USP32: variants seen among roughly 807,000 people sequenced by gnomAD.
The protein encoded by USP32 is ubiquitin carboxyl-terminal hydrolase 32.
A neutral mutation model predicts 204.8 loss-of-function variants in USP32; 59 were observed. The observed-to-expected ratio is 0.29, with a 90% CI of 0.23 to 0.36. The LOEUF is 0.36. USP32 is among the 10% of genes least tolerant of loss of function. USP32 has a pLI of 1.00. For missense variants in USP32, 1,160 were observed against 1,946.4 expected (o/e 0.60, Z 7.60); for synonymous variants, 517 against 678.4 (o/e 0.76, Z 3.70).
rs1264785254 is a variant in USP32, at chr17:60,195,015, A to G, written c.3435-2085T>C. On this transcript the variant is annotated intron_variant, in intron 27 of 33. Transcript: ENST00000300896. ...GAACTATACAATGAACATCCCATGT[A>G]TTCATTACCCAACTATAAAAGTCAT... Among the ~76,000 whole-genome samples the G allele has an allele frequency of 2.0e-5, 3 of 152,344 alleles. 1 individual carries two copies. In the East Asian group the frequency reaches 5.8e-4, roughly 29 times the overall value.
At chr17:60,314,558 G>A (rs560888967) in intron 2 of USP32, among the ~76,000 whole-genome samples, 2 of 151,818 alleles carry the variant, frequency 1.3e-5, no homozygotes, top group East Asian at 3.9e-4. Context: ...GCTAGAACTG[G>A]GGGTGGGGGG....
intron 2 of USP32, among the ~76,000 whole-genome samples, chr17:60,329,179 G>C (rs942990792): frequency 2.0e-5 from 3 of 151,652 alleles, no homozygotes; most frequent in Non-Finnish European, 4.4e-5. Flanking sequence ...TTCGTAAAAA[G>C]AAAGTGTTAA....
intron 29 of USP32, among the ~76,000 whole-genome samples, chr17:60,187,618 T>C (rs1177531278): frequency 2.0e-5 from 3 of 152,256 alleles, no homozygotes; most frequent in Admixed American, 2.0e-4. Context: ...AGTAAGCTAG[T>C]AAAGAATGTT....
chr17:60,226,345 C>CCACAGG, intron 12 of USP32, 114 bp from the exon 13 acceptor site: 4 of 969,418 alleles, frequency 4.1e-6, no homozygotes, highest in Non-Finnish European at 5.7e-6. Context: ...TGGTTGGCCA[C>CCACAGG]AGACATTTAA....
intron 1 of USP32, among the ~76,000 whole-genome samples, chr17:60,411,589 G>A (rs1479607286): frequency 6.9e-6 from 1 of 144,202 alleles, no homozygotes; most frequent in Non-Finnish European, 1.5e-5. Flanking sequence ...TCCCCTGGCT[G>A]GTCTCAAACT....
At chr17:60,218,845 T>C (rs1474297012) in intron 16 of USP32, among the ~76,000 whole-genome samples, 1 of 152,202 alleles carries the variant, frequency 6.6e-6, no homozygotes, top group East Asian at 1.9e-4. Flanking sequence ...TCTGCCCACC[T>C]CAGCCTCCCA....
intron 1 of USP32, among the ~76,000 whole-genome samples, chr17:60,347,478 C>A (rs1289826381): frequency 1.3e-5 from 2 of 151,790 alleles, no homozygotes; most frequent in Non-Finnish European, 2.9e-5. Flanking sequence ...CTCAGCCTCC[C>A]GAGTAGCTGG....
chr17:60,322,959 T>G (rs1178020168), intron 2 of USP32, among the ~76,000 whole-genome samples: 2 of 152,096 alleles, frequency 1.3e-5, no homozygotes, highest in East Asian at 3.8e-4. Context: ...AGACACAACT[T>G]CATACCCACT....
chr17:60,255,403 T>G (rs1202273663), intron 9 of USP32, 145 bp from the exon 10 acceptor site: 1 of 554,688 alleles, frequency 1.8e-6, no homozygotes, highest in African/African-American at 2.0e-5. Context: ...GTGCAAGCGA[T>G]TCTCCTGCCT....
At chr17:60,228,583 A>C (rs1180782524) in intron 12 of USP32, among the ~76,000 whole-genome samples, 1 of 149,870 alleles carries the variant, frequency 6.7e-6, no homozygotes, top group Non-Finnish European at 1.5e-5. Flanking sequence ...TTGGGAGCCA[A>C]GGTGGCTGGA....
chr17:60,303,649 C>T (rs1051059106), intron 2 of USP32, among the ~76,000 whole-genome samples: 5 of 152,036 alleles, frequency 3.3e-5, no homozygotes, highest in African/African-American at 1.2e-4. Flanking sequence ...ACTTCCCAAG[C>T]TGAAGGAAGA....
chr17:60,377,865 T>C (rs1345829933), intron 1 of USP32, among the ~76,000 whole-genome samples: 1 of 152,238 alleles, frequency 6.6e-6, no homozygotes, highest in African/African-American at 2.4e-5. Flanking sequence ...TTCATGGTTA[T>C]ACCCTTTGCA....
At chr17:60,247,328 T>C (rs1356538186) in intron 11 of USP32, among the ~76,000 whole-genome samples, 2 of 151,872 alleles carry the variant, frequency 1.3e-5, no homozygotes, top group Non-Finnish European at 1.5e-5. Flanking sequence ...TACAGGCGCC[T>C]GCCACCATAC....
rs151053350 is a variant in USP32, at chr17:60,279,613, G to A, written c.572-8132C>T. On this transcript the variant is annotated intron_variant, in intron 5 of 33. Coordinates refer to ENST00000300896, the MANE Select transcript of USP32 (RefSeq NM_032582.4). The stretch of plus-strand genomic sequence containing the variant: ...TCACTTTGGGAGGCTGAGGCAGGTA[G>A]ATCACTAGAGCCCAGGAGTTTGAGG... Among the ~76,000 whole-genome samples the A allele has an allele frequency of 3.9e-5, 6 of 152,130 alleles. No individual in the cohort carries two copies. The East Asian group carries it at 1.2e-3, about 29-fold the overall frequency.
chr17:60,215,269 G>A (rs1449935783), intron 16 of USP32, among the ~76,000 whole-genome samples: 3 of 152,174 alleles, frequency 2.0e-5, no homozygotes, highest in Non-Finnish European at 2.9e-5. Context: ...ACCAAGCCCA[G>A]CCTTCCAGGT....
At chr17:60,405,234 G>A (rs955842381) in intron 1 of USP32, among the ~76,000 whole-genome samples, 6 of 151,966 alleles carry the variant, frequency 3.9e-5, no homozygotes, top group African/African-American at 1.2e-4. Context: ...ACAGAGTTTC[G>A]CTCTGTCACC....
intron 2 of USP32, among the ~76,000 whole-genome samples, chr17:60,303,622 T>C (rs921062686): frequency 6.6e-6 from 1 of 151,988 alleles, no homozygotes; most frequent in Non-Finnish European, 1.5e-5. Flanking sequence ...AGCTAAACTA[T>C]AGACTATATT....
In USP32 at chr17:60,341,451, T is replaced by C. The variant is rs1231708403; in HGVS notation, c.186+4030A>G. Among the ~76,000 whole-genome samples the C allele has an allele frequency of 3.3e-5, 5 of 152,102 alleles. No individual in the cohort carries two copies. The East Asian group carries it at 7.8e-4, about 24-fold the overall frequency. On this transcript the variant is annotated intron_variant, in intron 2 of 33. Transcript: ENST00000300896. ...TTATGAAGCTTAGTTTGGCTGGATATGAAATTCCGGGTTGAAAATTCTTTA... is the reference window on the plus strand; with the variant it reads ...TTATGAAGCTTAGTTTGGCTGGATACGAAATTCCGGGTTGAAAATTCTTTA...
intron 1 of USP32, among the ~76,000 whole-genome samples, chr17:60,364,577 A>G (rs1317926143): frequency 6.6e-6 from 1 of 152,180 alleles, no homozygotes; most frequent in Non-Finnish European, 1.5e-5. Flanking sequence ...GGGTTTCACC[A>G]TGTTGGCCAG....
Sources: allele counts gnomAD v4.1 joint callset (sites outside exome capture counted in the v4.1 genomes callset), GRCh38; gene constraint gnomAD v4.1.1; transcripts MANE v1.5; gene names NCBI Gene and HGNC (gene_info 2026-07-23, HGNC 2026-07-21).